Variants in MRTFB observed in about 807,000 individuals in gnomAD.
MRTFB encodes myocardin-related transcription factor B.
A neutral mutation model predicts 104.2 loss-of-function variants in MRTFB; 29 were observed. That is an observed-to-expected ratio of 0.28 (90% CI 0.21 to 0.38). The LOEUF is 0.38. Among genes scored for constraint, MRTFB ranks in the 10% least tolerant of loss-of-function variants. The pLI is 1.00. For missense variants in MRTFB, 1,270 were observed against 1,341.6 expected (o/e 0.95, Z 0.83); for synonymous variants, 535 against 519.5 (o/e 1.03, Z -0.41).
At chr16:14,047,325 CA>C in the MRTFB span, among the ~76,000 whole-genome samples, 18 of 152,248 alleles carry the variant, frequency 1.2e-4, 1 homozygote, top group South Asian at 3.5e-3. Context: ...GATAGCTGGA[CA>C]GCTCCAGTCA....
rs773677919 is a variant in MRTFB at position 14,218,827 on chromosome 16, G to A, written c.522G>A (p.Gly174=). The A allele has an allele frequency of 1.3e-6, 2 of 1,590,144 alleles. No individual in the cohort carries two copies. The highest frequency in any genetic ancestry group is 2.3e-5 in the South Asian group (2 of 87,458). The stretch of plus-strand genomic sequence containing the variant: ...AATCATTTCTTTCTTTAGGCGTTGG[G>A]AAGGAGGACTATCCCCACACTCAGG... ...SSVKEAIIGV[G]KEDYPHTQGD... Residue 174 remains glycine, a synonymous_variant, in exon 8 of 17, where the codon GGG becomes GGA. Coordinates refer to ENST00000571589, the MANE Select transcript of MRTFB (RefSeq NM_001308142.2).
At chr16:14,072,920 CT>C (rs2141769678) in intron 1 of MRTFB, among the ~76,000 whole-genome samples, 1 of 152,272 alleles carries the variant, frequency 6.6e-6, no homozygotes, top group African/African-American at 2.4e-5. Flanking sequence ...ACAATACTGG[CT>C]TCCTAACAAT....
At chr16:14,001,317 C>T in the MRTFB span, among the ~76,000 whole-genome samples, 7 of 152,260 alleles carry the variant, frequency 4.6e-5, no homozygotes, top group South Asian at 1.2e-3. Flanking sequence ...TTGGGTTTCT[C>T]GGCTCCATTA....
At position 14,262,978 on chromosome 16, in the gene MRTFB, A is replaced by T. The variant is rs1734183137; in HGVS notation, c.*1534A>T. ...GTTATTTGGAAAGAATTTGTGAATT[A>T]TTTCTGGGTTTGTGTTTTGCCTAAG... On this transcript the variant is annotated 3_prime_UTR_variant, in exon 17 of 17. Transcript: ENST00000571589. 6.6e-6 allele frequency: 1 copy of T among 152,612 alleles called. No individual in the cohort carries two copies. Among genetic ancestry groups the T allele is most frequent in the South Asian group, 2.1e-4 (1 of 4,834 alleles). The allele number at this position is 152,612 out of a possible 1,614,324, so 9.5% of individuals were successfully genotyped here. A position where few individuals can be genotyped will look rare whatever the true frequency, so the allele number is the denominator to read the frequency against.
In MRTFB at chr16:14,245,512, T is replaced by C. The variant is rs779842248; in HGVS notation, c.1080-16T>C. 3.5e-5 allele frequency: 55 copies of C among 1,593,368 alleles called. No homozygotes were observed. Among genetic ancestry groups the C allele is most frequent in the Non-Finnish European group, 4.6e-5 (54 of 1,173,852 alleles). ...ATTATTTTATTATAAACTCTAATTT[T>C]TGTTTTCTTTTGAAGGCCACTCAAT... On this transcript the variant is annotated splice_polypyrimidine_tract_variant and intron_variant, in intron 10 of 16. Transcript: ENST00000571589.
At chr16:14,052,353 G>A in the MRTFB span, among the ~76,000 whole-genome samples, 1 of 152,116 alleles carries the variant, frequency 6.6e-6, no homozygotes, top group Admixed American at 6.6e-5. Flanking sequence ...AATGTGTAAT[G>A]ATCACATCGG....
intron 2 of MRTFB, among the ~76,000 whole-genome samples, chr16:14,084,595 C>T (rs185031061): frequency 4.0e-4 from 61 of 152,172 alleles, no homozygotes; most frequent in Admixed American, 3.3e-3. Context: ...CTTAACATGC[C>T]TCAAACGTAG....
chr16:14,258,048 A>G lies in MRTFB; in HGVS notation c.2704-53A>G, dbSNP rs190648543. On this transcript the variant is annotated intron_variant, in intron 15 of 16. Coordinates refer to ENST00000571589, the MANE Select transcript of MRTFB (RefSeq NM_001308142.2). ...GTCCCTTAGGACTGCTAATTATATA[A>G]TGCTTCCAGGTTTGTATGAAAGAAA... 229 of 1,469,706 alleles carry G rather than the reference A, an allele frequency of 1.6e-4. 1 individual carries two copies. In the East Asian group the frequency reaches 4.9e-3, roughly 31 times the overall value. The allele number at this position is 1,469,706 out of a possible 1,614,324, so 91.0% of individuals were successfully genotyped here. A position where few individuals can be genotyped will look rare whatever the true frequency, so the allele number is the denominator to read the frequency against.
chr16:14,252,979 C>T (rs926753388), intron 15 of MRTFB, among the ~76,000 whole-genome samples: 1 of 152,150 alleles, frequency 6.6e-6, no homozygotes, highest in Non-Finnish European at 1.5e-5. Context: ...CCAGCCCATC[C>T]AAATGACTTT....
chr16:14,141,847 T>A (rs1387034939), intron 3 of MRTFB: 1 of 152,000 alleles, frequency 6.6e-6, no homozygotes, highest in Non-Finnish European at 1.5e-5. Flanking sequence ...AGGTGTTTTT[T>A]TTTTTTTTTG....
At chr16:14,098,460 A>T (rs1370631427) in intron 2 of MRTFB, among the ~76,000 whole-genome samples, 1 of 152,112 alleles carries the variant, frequency 6.6e-6, no homozygotes, top group Admixed American at 6.5e-5. Flanking sequence ...TATACTCTGG[A>T]TATAGATTAT....
At chr16:14,223,911 G>A in intron 8 of MRTFB, among the ~76,000 whole-genome samples, 1 of 152,202 alleles carries the variant, frequency 6.6e-6, no homozygotes, top group East Asian at 1.9e-4. Context: ...ATTTGTAGTA[G>A]TCAGTTCTCA....
At chr16:14,031,554 A>C in the MRTFB span, among the ~76,000 whole-genome samples, 1 of 152,200 alleles carries the variant, frequency 6.6e-6, no homozygotes, top group African/African-American at 2.4e-5. Context: ...AGAAAATGTT[A>C]CCTATTAGGA....
the MRTFB span, among the ~76,000 whole-genome samples, chr16:14,028,125 T>A: frequency 6.6e-6 from 1 of 152,216 alleles, no homozygotes; most frequent in East Asian, 1.9e-4. Flanking sequence ...TACAGCAAGC[T>A]GAGATTGTGC....
chr16:14,147,956 C>T (rs2038404904), intron 3 of MRTFB, among the ~76,000 whole-genome samples: 1 of 152,104 alleles, frequency 6.6e-6, no homozygotes, highest in African/African-American at 2.4e-5. Context: ...GTTTACTTAA[C>T]ATTTTAGACA....
intron 13 of MRTFB, among the ~76,000 whole-genome samples, chr16:14,251,193 C>T (rs1306087942): frequency 2.6e-5 from 4 of 151,916 alleles, no homozygotes; most frequent in Admixed American, 1.3e-4. Flanking sequence ...TGGCTAACAA[C>T]AGTGAAACCC....
At chr16:14,124,218 A>G (rs887474366) in intron 2 of MRTFB, among the ~76,000 whole-genome samples, 1 of 152,202 alleles carries the variant, frequency 6.6e-6, no homozygotes, top group African/African-American at 2.4e-5. Context: ...AAACAGAGAC[A>G]ATTTGACTTC....
intron 3 of MRTFB, among the ~76,000 whole-genome samples, chr16:14,170,819 C>A (rs1178146086): frequency 2.0e-5 from 3 of 152,148 alleles, no homozygotes; most frequent in African/African-American, 7.2e-5. Context: ...AAGTATTTTA[C>A]AGTATTCTGA....
intron 2 of MRTFB, among the ~76,000 whole-genome samples, chr16:14,115,439 A>G (rs28583129): frequency 0.15 from 22,566 of 152,144 alleles, 2,485 homozygotes; most frequent in East Asian, 0.29. Context: ...TGACAGATAA[A>G]TATTTTGAAC....
Sources: allele counts gnomAD v4.1 joint callset (sites outside exome capture counted in the v4.1 genomes callset), GRCh38; gene constraint gnomAD v4.1.1; transcripts MANE v1.5; gene names NCBI Gene and HGNC (gene_info 2026-07-23, HGNC 2026-07-21).